The following MTFR1 variants were observed in gnomAD, a reference collection of about 807,000 sequenced individuals.
MTFR1 encodes mitochondrial fission regulator 1, also known as chondrocyte protein with a poly-proline region.
In MTFR1, 28 loss-of-function variants were observed where a neutral mutation model predicts 38.8. The observed-to-expected ratio is 0.72, with a 90% confidence interval of 0.53 to 0.99. The LOEUF (loss-of-function observed/expected upper bound fraction) is 0.99, where lower values mean the gene tolerates loss of function less well. MTFR1 is among the 50% of genes least tolerant of loss of function. MTFR1 has a pLI of 0.00. For missense variants in MTFR1, 358 were observed against 395.5 expected (o/e 0.91, Z 0.81); for synonymous variants, 145 against 137.0 (o/e 1.06, Z -0.41).
At chr8:65,744,235 C>CAAAAA (rs1807571719) in intron 3 of MTFR1, among the ~76,000 whole-genome samples, 1 of 146,754 alleles carries the variant, frequency 6.8e-6, no homozygotes. Context: ...CAAAACAAAA[C>CAAAAA]AACAAAAAAA....
intron 3 of MTFR1, among the ~76,000 whole-genome samples, chr8:65,759,877 T>G (rs1385220437): frequency 6.6e-6 from 1 of 152,122 alleles, no homozygotes; most frequent in Non-Finnish European, 1.5e-5. Context: ...TTTTAAGAAT[T>G]ATTTTCTATA....
intron 3 of MTFR1, among the ~76,000 whole-genome samples, chr8:65,720,963 C>T (rs1175605736): frequency 1.3e-5 from 2 of 152,220 alleles, no homozygotes; most frequent in Admixed American, 1.3e-4. Context: ...TTTCATCCCT[C>T]TCACTGTTCC....
chr8:65,747,710 C>G (rs1807743810), intron 3 of MTFR1: 1 of 1,611,642 alleles, frequency 6.2e-7, no homozygotes, highest in African/African-American at 1.3e-5. Flanking sequence ...AACCGCAGTA[C>G]CACGAAAAAA....
intron 3 of MTFR1, among the ~76,000 whole-genome samples, chr8:65,752,938 T>C (rs909525150): frequency 2.6e-5 from 4 of 152,208 alleles, no homozygotes; most frequent in African/African-American, 9.6e-5. Flanking sequence ...CTTTCCATGA[T>C]ATATTTAAAT....
chr8:65,702,297 C>CAT (rs1805635952), intron 4 of MTFR1, among the ~76,000 whole-genome samples: 1 of 110,272 alleles, frequency 9.1e-6, no homozygotes, highest in Non-Finnish European at 1.9e-5. Context: ...TTCTTTCTTT[C>CAT]TTTTTTTTTT....
the MTFR1 span, among the ~76,000 whole-genome samples, chr8:65,777,070 T>C: frequency 6.7e-6 from 1 of 148,260 alleles, no homozygotes; most frequent in Non-Finnish European, 1.5e-5. Flanking sequence ...CTCAATTTTA[T>C]CAAATGCTTT....
At chr8:65,722,452 C>T (rs1806424831) in intron 3 of MTFR1, 2 of 152,250 alleles carry the variant, frequency 1.3e-5, no homozygotes, top group Non-Finnish European at 2.9e-5. Context: ...ATTGTGCTAC[C>T]TTCTTAGTTT....
chr8:65,768,892 T>A (rs1808932846), intron 3 of MTFR1, among the ~76,000 whole-genome samples: 1 of 152,110 alleles, frequency 6.6e-6, no homozygotes, highest in African/African-American at 2.4e-5. Context: ...ATCAGAAAAC[T>A]TCTTTAGTGA....
At chr8:65,737,233 T>A (rs1412692276) in intron 3 of MTFR1, among the ~76,000 whole-genome samples, 4 of 152,104 alleles carry the variant, frequency 2.6e-5, no homozygotes, top group Non-Finnish European at 5.9e-5. Context: ...ATGGATTCCT[T>A]ATGGCTTTAA....
In MTFR1 at chr8:65,734,928, A is replaced by C. The variant is rs775094902; in HGVS notation, c.*48+15447A>C. The C allele has an allele frequency of 4.5e-6, 6 of 1,323,218 alleles. No individual in the cohort carries two copies. In the African/African-American group the frequency reaches 8.6e-5, roughly 19 times the overall value. 82.0% of individuals were successfully genotyped at this position (1,323,218 alleles called of 1,614,324 possible). A position where few individuals can be genotyped will look rare whatever the true frequency, so the allele number is the denominator to read the frequency against. On this transcript the variant is annotated intron_variant, in intron 3 of 3. Coordinates refer to the MTFR1 transcript ENST00000521247. ...AAGAAAGAGATCCCGATTTTATTGT[A>C]TATGAGCAACATATACAAGGACAAA...
rs1342858362 is a variant in MTFR1, at chr8:65,662,332, G to A, written c.-80-7541G>A. ...CCGGGCTGGTCTCCAGCTCCTAACC[G>A]CGAGTGATCCGCCAGCCTCGGCCTC... On this transcript the variant is annotated intron_variant, in intron 1 of 7. Transcript: ENST00000262146. Among the ~76,000 whole-genome samples, 3 of 152,094 alleles carry A rather than the reference G, an allele frequency of 2.0e-5. No homozygotes were observed. In the East Asian group the frequency reaches 5.8e-4, roughly 29 times the overall value.
chr8:65,751,732 T>C (rs1807975914), intron 3 of MTFR1, among the ~76,000 whole-genome samples: 1 of 152,254 alleles, frequency 6.6e-6, no homozygotes, highest in Non-Finnish European at 1.5e-5. Flanking sequence ...CCTCAGGTGA[T>C]CTGCCTGCCG....
intron 3 of MTFR1, among the ~76,000 whole-genome samples, chr8:65,742,416 A>G (rs1294337086): frequency 6.6e-6 from 1 of 152,198 alleles, no homozygotes; most frequent in Non-Finnish European, 1.5e-5. Flanking sequence ...GCATCCTACC[A>G]GACAATAACT....
intron 3 of MTFR1, among the ~76,000 whole-genome samples, chr8:65,690,548 A>G (rs1026830939): frequency 6.6e-6 from 1 of 150,906 alleles, no homozygotes; most frequent in African/African-American, 2.4e-5. Flanking sequence ...CAAAAAAGAA[A>G]AGTAGTACTT....
chr8:65,771,832 G>C (rs541557424), downstream of MTFR1, among the ~76,000 whole-genome samples: 1 of 136,726 alleles, frequency 7.3e-6, no homozygotes, highest in Non-Finnish European at 1.5e-5. Context: ...CCACGATTGA[G>C]CCACTGCACT....
intron 3 of MTFR1, chr8:65,747,514 G>GA (rs1451712157): frequency 4.0e-6 from 2 of 501,100 alleles, no homozygotes; most frequent in East Asian, 3.3e-5. Flanking sequence ...CTGCTCTAAA[G>GA]AAAAAAACCT....
At chr8:65,644,246 A>C (rs999586808), upstream of MTFR1, among the ~76,000 whole-genome samples, 1 of 152,220 alleles carries the variant, frequency 6.6e-6, no homozygotes, top group African/African-American at 2.4e-5. Context: ...ATACTTATCC[A>C]TGAGGCACTT....
intron 1 of MTFR1, among the ~76,000 whole-genome samples, chr8:65,669,302 C>T (rs1053339165): frequency 1.3e-5 from 2 of 152,126 alleles, no homozygotes; most frequent in African/African-American, 4.8e-5. Flanking sequence ...TTCCCAGGGC[C>T]AAGTCTGCTG....
chr8:65,729,866 G>A (rs529527108), intron 3 of MTFR1, among the ~76,000 whole-genome samples: 78 of 152,146 alleles, frequency 5.1e-4, no homozygotes, highest in Middle Eastern at 6.8e-3. Flanking sequence ...ACCATGCCCT[G>A]CCTAGTGAAG....
Sources: gnomAD v4.1 joint callset for allele counts (sites outside exome capture counted in the v4.1 genomes callset) on GRCh38, gnomAD v4.1.1 for gene constraint, MANE v1.5 for transcripts, NCBI Gene and HGNC (gene_info 2026-07-23, HGNC 2026-07-21) for gene names.